The following PJA2 variants were observed in gnomAD, a reference collection of about 807,000 sequenced individuals.
PJA2 encodes the protein E3 ubiquitin-protein ligase Praja-2.
A neutral mutation model predicts 69.3 loss-of-function variants in PJA2; 25 were observed. The ratio of observed to expected loss-of-function variants is 0.36; its 90% CI spans 0.26 to 0.50. The LOEUF (loss-of-function observed/expected upper bound fraction) is 0.50. PJA2 is among the 20% of genes least tolerant of loss of function. The pLI is 0.96. For synonymous variants in PJA2, 308 were observed against 277.8 expected (o/e 1.11, Z -1.08); for missense variants, 809 against 830.2 (o/e 0.97, Z 0.31).
At chr5:109,362,623 T>C (rs1582600418) in intron 6 of PJA2, among the ~76,000 whole-genome samples, 1 of 152,056 alleles carries the variant, frequency 6.6e-6, no homozygotes, top group East Asian at 1.9e-4. Context: ...TAAGGTGAGC[T>C]TCAAGAGAGC....
intron 2 of PJA2, 42 bp downstream of exon 2, chr5:109,383,357 GGAAA>G: frequency 6.3e-7 from 1 of 1,587,540 alleles, no homozygotes; most frequent in South Asian, 1.1e-5. Flanking sequence ...GGTACCCAGA[GGAAA>G]AAACAAGAAG....
chr5:109,366,002 G>A (rs1762580384), intron 5 of PJA2, among the ~76,000 whole-genome samples: 1 of 152,142 alleles, frequency 6.6e-6, no homozygotes. Context: ...TTTTGAAAAT[G>A]TACTAATTTA....
At chr5:109,383,629 C>A in intron 1 of PJA2, 109 bp from the exon 2 acceptor site, 1 of 477,640 alleles carries the variant, frequency 2.1e-6, no homozygotes, top group Non-Finnish European at 3.7e-6. Flanking sequence ...TAGAAAAATA[C>A]AATGTGATGT....
intron 5 of PJA2, among the ~76,000 whole-genome samples, chr5:109,363,717 T>C (rs1468843032): frequency 6.6e-6 from 1 of 152,214 alleles, no homozygotes. Context: ...TTTATTTTTG[T>C]TTAACATTTT....
intron 4 of PJA2, among the ~76,000 whole-genome samples, chr5:109,369,066 G>A (rs1337083886): frequency 2.0e-5 from 3 of 152,006 alleles, no homozygotes; most frequent in South Asian, 2.1e-4. Flanking sequence ...CCTTGTTCCT[G>A]CTCTGCATTC....
At chr5:109,350,536 C>A (rs1024199996) in intron 7 of PJA2, among the ~76,000 whole-genome samples, 36 of 152,158 alleles carry the variant, frequency 2.4e-4, no homozygotes, top group African/African-American at 8.4e-4. Flanking sequence ...ACTGATTACA[C>A]CAGTTAGTTG....
At chr5:109,361,977 TC>T (rs1762513097) in intron 6 of PJA2, among the ~76,000 whole-genome samples, 1 of 152,358 alleles carries the variant, frequency 6.6e-6, no homozygotes, top group African/African-American at 2.4e-5. Flanking sequence ...AAACATATGT[TC>T]TGGAAACCTG....
rs1259122080 is a variant in PJA2, at chr5:109,356,041, A to T, written c.1653-15T>A. 1.4e-5 allele frequency: 22 copies of T among 1,565,406 alleles called. No individual in the cohort carries two copies. The highest frequency in any genetic ancestry group is 1.1e-4 in the East Asian group (5 of 44,616). ...CATCAAATAGGCTGAAAAAAAAAAA[A>T]AATAACAGAAAAAACTCACCACTAT... On this transcript the variant is annotated splice_polypyrimidine_tract_variant and intron_variant, in intron 6 of 9. Transcript: ENST00000361189.
At chr5:109,408,328 T>C (rs1747737456) in intron 1 of PJA2, among the ~76,000 whole-genome samples, 1 of 152,192 alleles carries the variant, frequency 6.6e-6, no homozygotes, top group Non-Finnish European at 1.5e-5. Flanking sequence ...TAAATCATCA[T>C]TTGTAATAGC....
At position 109,378,688 on chromosome 5, in the gene PJA2, T is replaced by G; in HGVS notation, c.799A>C (p.Thr267Pro). 1 of 1,613,940 alleles carries G rather than the reference T, an allele frequency of 6.2e-7. No homozygotes were observed. The highest frequency in any genetic ancestry group is 8.5e-7 in the Non-Finnish European group (1 of 1,180,002). The stretch of plus-strand genomic sequence containing the variant: ...TGGCTAGTATTATTTTGTTGTTTCG[T>G]ACTAACCATTTCATCTTGAGAAGAC... ...QRSSQDEMVS[T>P]KQQNNTSQER... The change falls in exon 4 of 10, where the codon ACG becomes CCG. Residue 267 changes from threonine to proline, a missense_variant. Thr to Pro is a conservative substitution (Grantham distance 38, BLOSUM62 -1). This residue lies in a region of PJA2 where 700 missense variants were observed against 639.5 expected (regional missense o/e 1.09). Coordinates refer to ENST00000361189, the MANE Select transcript of PJA2 (RefSeq NM_014819.5).
At chr5:109,387,978 A>G (rs890973018) in intron 1 of PJA2, among the ~76,000 whole-genome samples, 1 of 152,326 alleles carries the variant, frequency 6.6e-6, no homozygotes, top group Non-Finnish European at 1.5e-5. Context: ...AAAGAGGGCT[A>G]AGTATTTGGG....
At chr5:109,390,065 T>C (rs1407176150) in intron 1 of PJA2, among the ~76,000 whole-genome samples, 2 of 152,030 alleles carry the variant, frequency 1.3e-5, no homozygotes, top group African/African-American at 4.8e-5. Flanking sequence ...AAGCCTTCAG[T>C]TGTTGAATAT....
At chr5:109,380,823 A>G (rs977226754) in intron 3 of PJA2, among the ~76,000 whole-genome samples, 1 of 150,818 alleles carries the variant, frequency 6.6e-6, no homozygotes, top group African/African-American at 2.4e-5. Context: ...AAAAAAAAAA[A>G]GAACGCCAGG....
chr5:109,375,132 G>A (rs894645362), intron 4 of PJA2, among the ~76,000 whole-genome samples: 2 of 152,122 alleles, frequency 1.3e-5, no homozygotes, highest in South Asian at 2.1e-4. Flanking sequence ...CAGGGAAGAA[G>A]GCAATCATGA....
intron 9 of PJA2, among the ~76,000 whole-genome samples, chr5:109,342,604 A>G (rs1264719769): frequency 1.3e-3 from 70 of 55,454 alleles, no homozygotes; most frequent in South Asian, 1.8e-3. Flanking sequence ...CCTACTGGGA[A>G]GTGAGGAGCC....
At chr5:109,409,380 C>A (rs539928497) in intron 1 of PJA2, 288 of 152,544 alleles carry the variant, frequency 1.9e-3, no homozygotes, top group Non-Finnish European at 3.1e-3. Flanking sequence ...AGGCCTGTGG[C>A]GTAAGATGGT....
intron 3 of PJA2, among the ~76,000 whole-genome samples, chr5:109,380,086 C>CTTTTT (rs35217352): frequency 5.4e-5 from 4 of 74,228 alleles, no homozygotes; most frequent in Admixed American, 1.8e-4. Flanking sequence ...ACGAAGGGTT[C>CTTTTT]TTTTTTTTTT....
chr5:109,368,440 G>A, intron 5 of PJA2, 121 bp downstream of exon 5: 2 of 742,456 alleles, frequency 2.7e-6, no homozygotes, highest in Admixed American at 2.9e-5. Flanking sequence ...AAAAAATCAG[G>A]GGGGCCTACT....
chr5:109,393,760 T>C (rs1351897989), intron 1 of PJA2, among the ~76,000 whole-genome samples: 2 of 152,162 alleles, frequency 1.3e-5, no homozygotes, highest in Non-Finnish European at 2.9e-5. Flanking sequence ...GTAGGCAGAA[T>C]ACTACACAAC....
Sources: gnomAD v4.1 joint callset for allele counts (sites outside exome capture counted in the v4.1 genomes callset) on GRCh38, gnomAD v4.1.1 for gene constraint, gnomAD v4.1.1 regional missense constraint, MANE v1.5 for transcripts, NCBI Gene and HGNC (gene_info 2026-07-23, HGNC 2026-07-21) for gene names.